The following ZNF30 variants were observed in gnomAD, a reference collection of about 807,000 sequenced individuals.
The protein encoded by ZNF30 is zinc finger protein 30, also known as zinc finger protein 30 (KOX 28).
A neutral mutation model predicts 13.2 loss-of-function variants in ZNF30; 15 were observed. That is an observed-to-expected ratio of 1.13 (90% CI 0.76 to 1.75). ZNF30 has a LOEUF of 1.75. Ranked by LOEUF, ZNF30 falls within the 40% of genes most tolerant of loss-of-function variation. ZNF30 has a pLI of 0.00. For missense variants in ZNF30, 726 were observed against 757.0 expected (o/e 0.96, Z 0.48); for synonymous variants, 223 against 256.6 (o/e 0.87, Z 1.25).
At chr19:34,928,230 TATATATATATATATATATATATATAG>T (rs2012208622) in intron 1 of ZNF30, among the ~76,000 whole-genome samples, 3 of 64,180 alleles carry the variant, frequency 4.7e-5, no homozygotes, top group South Asian at 6.3e-4. Flanking sequence ...AATATATATA[TATATATATATATATATATATATATAG>T]ATAGATAGAT....
rs1041532303 is a variant in ZNF30, at chr19:34,927,079, G to C, written c.-202G>C. 2 of 398,348 alleles carry C rather than the reference G, an allele frequency of 5.0e-6. No individual in the cohort carries two copies. Among genetic ancestry groups the C allele is most frequent in the African/African-American group, 4.1e-5 (2 of 48,642 alleles). The allele number at this position is 398,348 out of a possible 1,614,324, so 24.7% of individuals were successfully genotyped here. A position where few individuals can be genotyped will look rare whatever the true frequency, so the allele number is the denominator to read the frequency against. ...GGTCGTTGACCCGGCAGCGAGCTTTGGAGTTCATCGAGGGAGAAGTCAGCG... is the reference window on the plus strand; with the variant it reads ...GGTCGTTGACCCGGCAGCGAGCTTTCGAGTTCATCGAGGGAGAAGTCAGCG... On this transcript the variant is annotated 5_prime_UTR_variant, in exon 1 of 5. Coordinates refer to ENST00000601142, the MANE Select transcript of ZNF30 (RefSeq NM_194325.3).
At chr19:34,926,734 G>A, upstream of ZNF30, 1 of 392,812 alleles carries the variant, frequency 2.5e-6, no homozygotes, top group Non-Finnish European at 4.5e-6. Context: ...CTGACCTGGT[G>A]TGTTAATGCC....
chr19:34,934,979 C>T (rs1165393161), intron 4 of ZNF30, among the ~76,000 whole-genome samples: 4 of 152,106 alleles, frequency 2.6e-5, no homozygotes, highest in Non-Finnish European at 5.9e-5. Context: ...CCTGTAATCC[C>T]AGTACTTTGG....
intron 4 of ZNF30, among the ~76,000 whole-genome samples, chr19:34,940,838 A>G (rs1283649811): frequency 6.6e-6 from 1 of 152,170 alleles, no homozygotes; most frequent in Admixed American, 6.5e-5. Flanking sequence ...AGGATCAAAG[A>G]CTTGTACACA....
chr19:34,924,284 A>G (rs947812309), upstream of ZNF30, among the ~76,000 whole-genome samples: 9 of 152,142 alleles, frequency 5.9e-5, no homozygotes, highest in African/African-American at 2.2e-4. Context: ...TTTTCTCAAA[A>G]AAAAAACCCT....
intron 4 of ZNF30, among the ~76,000 whole-genome samples, chr19:34,939,177 CCCTCCCCTA>C (rs1568541858): frequency 5.2e-5 from 7 of 133,800 alleles, no homozygotes; most frequent in South Asian, 2.7e-4. Context: ...CCGCTCCCCT[CCCTCCCCTA>C]TCCTCTTTTC....
chr19:34,931,330 T>C (rs1183130836), intron 2 of ZNF30, among the ~76,000 whole-genome samples: 1 of 152,214 alleles, frequency 6.6e-6, no homozygotes, highest in Non-Finnish European at 1.5e-5. Flanking sequence ...ATCCACAAGA[T>C]AACTTTTATG....
In ZNF30 at chr19:34,929,942, CA is replaced by C; in HGVS notation, c.-3del. On this transcript the variant is annotated 5_prime_UTR_variant, in exon 2 of 5. Transcript: ENST00000601142. ...AAGACTGATCAGTTCTTACAATTCT[CA>C]AAGCATGGCCCATGTAAGTTGGTGT... is the stretch of plus-strand genomic sequence containing the variant. 6.2e-7 allele frequency: 1 copy of C among 1,607,112 alleles called. No individual in the cohort carries two copies. Among genetic ancestry groups the C allele is most frequent in the Admixed American group, 1.7e-5 (1 of 59,290 alleles).
At chr19:34,937,798 A>AAT (rs923080605) in intron 4 of ZNF30, among the ~76,000 whole-genome samples, 168 of 151,774 alleles carry the variant, frequency 1.1e-3, no homozygotes, top group African/African-American at 3.8e-3. Context: ...AATTGACCAC[A>AAT]ATATATATAT....
intron 4 of ZNF30, 132 bp downstream of exon 4, chr19:34,933,855 G>C (rs2651101): frequency 0.37 from 217,048 of 582,504 alleles, 43,604 homozygotes; most frequent in African/African-American, 0.65. Flanking sequence ...AAAAGGCTGA[G>C]ACTTGGGTAA....
rs8100497 is a variant in ZNF30 at position 34,943,534 on chromosome 19, G to A, written c.568G>A (p.Ala190Thr). The A allele has an allele frequency of 3.5e-3, 5,721 of 1,612,926 alleles. 187 individuals carry two copies. In the African/African-American group the frequency reaches 0.064, roughly 18 times the overall value. ...TGGGAAGGCCTTTATCAGTGGCTCA[G>A]CCTTTGTTAAGCATGGGAGAATTCA... ...KCGKAFISGS[A>T]FVKHGRIHTG... The change falls in exon 5 of 5, where the codon GCC becomes ACC. Residue 190 changes from alanine (A) to threonine (T), a missense_variant. Physicochemically the swap from Ala to Thr is moderately conservative, Grantham distance 58. Coordinates refer to ENST00000601142, the MANE Select transcript of ZNF30 (RefSeq NM_194325.3).
At chr19:34,925,513 C>A (rs553606170), upstream of ZNF30, among the ~76,000 whole-genome samples, 4 of 152,310 alleles carry the variant, frequency 2.6e-5, no homozygotes, top group Admixed American at 6.5e-5. Context: ...TGTCTTCTTC[C>A]GCCAACATGT....
Position 34,929,908 on chromosome 19 carries a change from A to G in ZNF30, c.-40A>G, listed in dbSNP as rs1405403272. ...GCTTTTGAACTTCTCAGATAGAGGAACCCCAGTGAAGACTGATCAGTTCTT... is the reference window on the plus strand; with the variant it reads ...GCTTTTGAACTTCTCAGATAGAGGAGCCCCAGTGAAGACTGATCAGTTCTT... On this transcript the variant is annotated 5_prime_UTR_variant, in exon 2 of 5. Transcript: ENST00000601142. 1.3e-6 allele frequency: 2 copies of G among 1,585,148 alleles called. No individual in the cohort carries two copies. The highest frequency in any genetic ancestry group is 2.3e-5 in the East Asian group (1 of 44,390).
In ZNF30 at chr19:34,926,936, G is replaced by A; in HGVS notation, c.-345G>A. On this transcript the variant is annotated 5_prime_UTR_variant, in exon 1 of 5. Transcript: ENST00000601142. ...CTGCGCCGGGCATGCTCGGCGGTGT[G>A]ACGGCTCAGGACTGCATTTCCCAGA... 2.5e-6 allele frequency: 1 copy of A among 398,488 alleles called. No individual in the cohort carries two copies. Among genetic ancestry groups the A allele is most frequent in the South Asian group, 1.3e-4 (1 of 7,852 alleles). 24.7% of individuals were successfully genotyped at this position (398,488 alleles called of 1,614,324 possible). A position where few individuals can be genotyped will look rare whatever the true frequency, so the allele number is the denominator to read the frequency against.
At chr19:34,942,668 C>CA in intron 4 of ZNF30, 2 of 1,287,100 alleles carry the variant, frequency 1.6e-6, no homozygotes, top group African/African-American at 3.0e-5. Context: ...CACATGGAAC[C>CA]AAAAGGTGAG....
intron 1 of ZNF30, among the ~76,000 whole-genome samples, chr19:34,928,466 G>A (rs1261632540): frequency 1.3e-5 from 2 of 151,734 alleles, no homozygotes. Flanking sequence ...GAGAGAGAGG[G>A]GCCATGTTCA....
upstream of ZNF30, chr19:34,923,944 G>A (rs189552814): frequency 5.9e-5 from 9 of 152,282 alleles, no homozygotes; most frequent in African/African-American, 2.2e-4. Flanking sequence ...TTATAAGGGG[G>A]AAAGTTCTGC....
chr19:34,944,967 A>C lies in ZNF30; in HGVS notation c.*129A>C. ...GGTCTATTCTCATCTTATAATTCAT[A>C]ATATAACTCAGAAAACATAAGAATA... On this transcript the variant is annotated 3_prime_UTR_variant, in exon 5 of 5. Transcript: ENST00000601142. The C allele has an allele frequency of 2.4e-6, 2 of 841,794 alleles. No individual in the cohort carries two copies. Among genetic ancestry groups the C allele is most frequent in the South Asian group, 2.5e-5 (1 of 40,188 alleles). 52.1% of individuals were successfully genotyped at this position (841,794 alleles called of 1,614,324 possible).
At chr19:34,924,768 AG>A (rs1249695199), upstream of ZNF30, among the ~76,000 whole-genome samples, 1 of 152,154 alleles carries the variant, frequency 6.6e-6, no homozygotes, top group East Asian at 1.9e-4. Flanking sequence ...TGAGTTTCAG[AG>A]GGTTTGAAAA....
Sources: allele counts gnomAD v4.1 joint callset (sites outside exome capture counted in the v4.1 genomes callset), GRCh38; gene constraint gnomAD v4.1.1; transcripts MANE v1.5; gene names NCBI Gene and HGNC (gene_info 2026-07-23, HGNC 2026-07-21).